The following ZBTB20 variants were observed in gnomAD, a reference collection of about 807,000 sequenced individuals.
The protein encoded by ZBTB20 is zinc finger and BTB domain-containing protein 20.
ZBTB20 carries 9 observed loss-of-function variants against 56.9 expected under a neutral mutation model. The observed-to-expected ratio is 0.16, with a 90% confidence interval of 0.10 to 0.28. ZBTB20 has a LOEUF of 0.28. ZBTB20 is among the 10% of genes least tolerant of loss of function. ZBTB20 has a pLI of 1.00. For missense variants in ZBTB20, 655 were observed against 1,003.0 expected, an observed-to-expected ratio of 0.65 and a Z score of 4.69; for synonymous variants, 417 against 420.7, an observed-to-expected ratio of 0.99 and a Z score of 0.11.
chr3:115,012,815 G>A (rs1176974842), intron 2 of ZBTB20, among the ~76,000 whole-genome samples: 1 of 151,566 alleles, frequency 6.6e-6, no homozygotes, highest in Non-Finnish European at 1.5e-5. Context: ...CCATACGTCG[G>A]GTCACAAAAC....
At chr3:115,016,993 C>T (rs1053974126) in intron 2 of ZBTB20, among the ~76,000 whole-genome samples, 2 of 151,634 alleles carry the variant, frequency 1.3e-5, no homozygotes, top group African/African-American at 2.4e-5. Context: ...TGCCCTCTCT[C>T]ACCACTCCTA....
At chr3:114,671,556 T>C (rs975977224) in intron 6 of ZBTB20, among the ~76,000 whole-genome samples, 2 of 152,030 alleles carry the variant, frequency 1.3e-5, no homozygotes, top group Non-Finnish European at 2.9e-5. Flanking sequence ...ATCTCTCTTA[T>C]TGTTGTCGCT....
intron 3 of ZBTB20, among the ~76,000 whole-genome samples, chr3:114,956,547 A>G (rs1351082502): frequency 1.3e-5 from 2 of 152,204 alleles, no homozygotes; most frequent in Non-Finnish European, 2.9e-5. Flanking sequence ...TTTAATTTGT[A>G]TAATCACTTC....
At chr3:115,069,180 C>T (rs1318821320) in intron 2 of ZBTB20, among the ~76,000 whole-genome samples, 1 of 152,182 alleles carries the variant, frequency 6.6e-6, no homozygotes, top group East Asian at 1.9e-4. Context: ...ACCTAGCAGT[C>T]AGCAGAAGCA....
chr3:114,743,813 T>A (rs1196274742), intron 5 of ZBTB20: 2 of 152,208 alleles, frequency 1.3e-5, no homozygotes, highest in Non-Finnish European at 2.9e-5. Context: ...ATAAAATTGT[T>A]ATTTTTTTTA....
intron 6 of ZBTB20, among the ~76,000 whole-genome samples, chr3:114,595,124 T>C (rs2056198033): frequency 6.6e-6 from 1 of 152,224 alleles, no homozygotes; most frequent in African/African-American, 2.4e-5. Flanking sequence ...GTTGAAGCCC[T>C]TGGGAAATTC....
chr3:114,506,896 C>G (rs2044681203), intron 6 of ZBTB20, among the ~76,000 whole-genome samples: 1 of 152,160 alleles, frequency 6.6e-6, no homozygotes, highest in Non-Finnish European at 1.5e-5. Flanking sequence ...CCTGGGACAT[C>G]TATGTCTCTG....
intron 5 of ZBTB20, among the ~76,000 whole-genome samples, chr3:114,788,138 G>A (rs2108797801): frequency 6.6e-6 from 1 of 152,160 alleles, no homozygotes. Flanking sequence ...CCCTGTAACT[G>A]CAATGTATTT....
chr3:114,744,683 C>T (rs1279227494), intron 5 of ZBTB20, among the ~76,000 whole-genome samples: 1 of 152,000 alleles, frequency 6.6e-6, no homozygotes, highest in East Asian at 1.9e-4. Context: ...CGATAGTCAC[C>T]ATATAAATGC....
chr3:114,859,837 T>C (rs553377013), intron 4 of ZBTB20, among the ~76,000 whole-genome samples: 1 of 152,302 alleles, frequency 6.6e-6, no homozygotes, highest in South Asian at 2.1e-4. Context: ...ATGTCACTAA[T>C]AGACCTCATC....
chr3:114,734,301 T>C (rs1317029786), intron 5 of ZBTB20, among the ~76,000 whole-genome samples: 3 of 152,086 alleles, frequency 2.0e-5, no homozygotes, highest in Non-Finnish European at 4.4e-5. Flanking sequence ...GACCAATGTG[T>C]TATTACAAGT....
At chr3:114,635,521 C>T (rs2059212668) in intron 6 of ZBTB20, among the ~76,000 whole-genome samples, 2 of 151,914 alleles carry the variant, frequency 1.3e-5, no homozygotes, top group Non-Finnish European at 2.9e-5. Context: ...CAGTGAGTTA[C>T]AAGAGAACAC....
At chr3:114,433,267 T>C (rs996108841) in intron 7 of ZBTB20, among the ~76,000 whole-genome samples, 1 of 152,126 alleles carries the variant, frequency 6.6e-6, no homozygotes. Context: ...ATCTGTGCTG[T>C]AGGAATAGAC....
chr3:115,046,848 A>G (rs1439736901), intron 2 of ZBTB20, among the ~76,000 whole-genome samples: 2 of 152,170 alleles, frequency 1.3e-5, no homozygotes, highest in Non-Finnish European at 2.9e-5. Context: ...ACAAACACAA[A>G]TATCTATTAT....
chr3:114,644,546 A>G (rs2059737241), intron 6 of ZBTB20, among the ~76,000 whole-genome samples: 1 of 152,154 alleles, frequency 6.6e-6, no homozygotes. Context: ...CAAAACCACA[A>G]TGAAATACCA....
At chr3:114,866,924 G>A (rs2075789297) in intron 4 of ZBTB20, among the ~76,000 whole-genome samples, 1 of 152,134 alleles carries the variant, frequency 6.6e-6, no homozygotes, top group South Asian at 2.1e-4. Context: ...AGTCATGTGA[G>A]TCAATTCCTT....
intron 2 of ZBTB20, among the ~76,000 whole-genome samples, chr3:115,061,732 C>T (rs1379572868): frequency 1.3e-5 from 2 of 151,580 alleles, no homozygotes; most frequent in African/African-American, 4.8e-5. Flanking sequence ...ACACAAGAGA[C>T]CAAAAAAAAT....
At chr3:115,133,981 A>T (rs2084583896) in intron 1 of ZBTB20, among the ~76,000 whole-genome samples, 1 of 152,236 alleles carries the variant, frequency 6.6e-6, no homozygotes, top group African/African-American at 2.4e-5. Context: ...CCAAAGAACC[A>T]GCCTTTAGAT....
chr3:115,045,756 T>A (rs1190467430), intron 2 of ZBTB20, among the ~76,000 whole-genome samples: 2 of 152,128 alleles, frequency 1.3e-5, no homozygotes, highest in Non-Finnish European at 2.9e-5. Context: ...CAGAATAGAT[T>A]ATTTCTTTCA....
Sources: allele counts gnomAD v4.1 joint callset (sites outside exome capture counted in the v4.1 genomes callset), GRCh38; gene constraint gnomAD v4.1.1; transcripts MANE v1.5; gene names NCBI Gene and HGNC (gene_info 2026-07-23, HGNC 2026-07-21).